ULK4: variants seen among roughly 807,000 people sequenced by gnomAD.
The protein encoded by ULK4 is unc-51 like kinase 4.
A neutral mutation model predicts 160.6 loss-of-function variants in ULK4; 133 were observed. The observed-to-expected ratio is 0.83, with a 90% confidence interval of 0.72 to 0.96. ULK4 has a LOEUF of 0.96. Among genes scored for constraint, ULK4 ranks in the 40% least tolerant of loss-of-function variants. The probability of loss-of-function intolerance (pLI) is 0.00; values close to 1 mark genes in which losing one functional copy is unlikely to be tolerated. For missense variants in ULK4, 1,580 were observed against 1,499.5 expected (o/e 1.05, Z -0.89); for synonymous variants, 534 against 539.8 (o/e 0.99, Z 0.15).
chr3:41,814,913 T>TA (rs1226505886), intron 19 of ULK4, among the ~76,000 whole-genome samples: 1 of 149,324 alleles, frequency 6.7e-6, no homozygotes, highest in Non-Finnish European at 1.5e-5. Context: ...CTGTCCTTTT[T>TA]TTTTTTTTTT....
intron 35 of ULK4, among the ~76,000 whole-genome samples, chr3:41,298,712 A>C (rs1045878983): frequency 1.3e-5 from 2 of 152,214 alleles, no homozygotes; most frequent in Non-Finnish European, 1.5e-5. Flanking sequence ...AGTCATAGAG[A>C]GTCAAACAGA....
chr3:41,464,133 C>T (rs1220042881), intron 32 of ULK4, among the ~76,000 whole-genome samples: 1 of 152,118 alleles, frequency 6.6e-6, no homozygotes, highest in Non-Finnish European at 1.5e-5. Context: ...CTATTTGTCC[C>T]TACTCCAGAT....
At chr3:41,551,310 A>G (rs2700456) in intron 32 of ULK4, among the ~76,000 whole-genome samples, 76,809 of 150,974 alleles carry the variant, frequency 0.51, 19,600 homozygotes, top group Middle Eastern at 0.57. Flanking sequence ...AGAGAGAGGC[A>G]AAAAAGTATA....
At chr3:41,901,006 T>A (rs4615050) in intron 12 of ULK4, among the ~76,000 whole-genome samples, 177 bp from the exon 13 acceptor site, 104,670 of 151,998 alleles carry the variant, frequency 0.69, 39,429 homozygotes, top group East Asian at 0.84. Flanking sequence ...TCCTAAACTG[T>A]AGGCACCATC....
At chr3:41,612,261 C>T (rs1343421084) in intron 31 of ULK4, among the ~76,000 whole-genome samples, 1 of 152,100 alleles carries the variant, frequency 6.6e-6, no homozygotes, top group East Asian at 1.9e-4. Context: ...CCTTCCCCTT[C>T]CCCAAGCTGA....
At chr3:41,795,292 G>C (rs559553908) in intron 20 of ULK4, among the ~76,000 whole-genome samples, 1 of 152,232 alleles carries the variant, frequency 6.6e-6, no homozygotes, top group African/African-American at 2.4e-5. Context: ...TATGATGTTA[G>C]AGTAACTGTA....
chr3:41,679,290 A>G (rs924384038), intron 29 of ULK4, among the ~76,000 whole-genome samples: 1 of 152,216 alleles, frequency 6.6e-6, no homozygotes, highest in Non-Finnish European at 1.5e-5. Flanking sequence ...CCGTTTCAAA[A>G]GAAGCATCCT....
chr3:41,487,133 T>G (rs985810795), intron 32 of ULK4, among the ~76,000 whole-genome samples: 4 of 152,064 alleles, frequency 2.6e-5, no homozygotes, highest in African/African-American at 9.7e-5. Flanking sequence ...TTAAGCTATT[T>G]CTTAGGAATC....
At chr3:41,566,840 T>A (rs1191897062) in intron 31 of ULK4, among the ~76,000 whole-genome samples, 2 of 152,220 alleles carry the variant, frequency 1.3e-5, no homozygotes, top group Non-Finnish European at 2.9e-5. Context: ...CAGATTATAA[T>A]TGAAATTATT....
intron 31 of ULK4, among the ~76,000 whole-genome samples, chr3:41,576,969 A>G (rs772745422): frequency 2.0e-5 from 3 of 152,252 alleles, no homozygotes; most frequent in Non-Finnish European, 4.4e-5. Context: ...AAATGGAAAG[A>G]TTAATTACAC....
intron 35 of ULK4, among the ~76,000 whole-genome samples, chr3:41,397,250 C>T (rs973073095): frequency 5.3e-5 from 8 of 152,008 alleles, no homozygotes; most frequent in East Asian, 1.9e-4. Context: ...TTCAAATAGA[C>T]GTCAGCTATA....
rs373910330 is a variant in ULK4, at chr3:41,856,564, C to T, written c.1657-20593G>A. Among the ~76,000 whole-genome samples the T allele has an allele frequency of 9.8e-3, 678 of 68,880 alleles. 18 individuals are homozygous for T. The highest frequency in any genetic ancestry group is 0.043 in the African/African-American group (532 of 12,478). The allele number at this position is 68,880 out of a possible 152,430, so 45.2% of individuals were successfully genotyped here. A position where few individuals can be genotyped will look rare whatever the true frequency, so the allele number is the denominator to read the frequency against. ...ATATATATATGTGTATATATATACA[C>T]ATATATATATGTGTATATATATACA... On this transcript the variant is annotated intron_variant, in intron 17 of 36. Coordinates refer to ENST00000301831, the MANE Select transcript of ULK4 (RefSeq NM_017886.4).
intron 35 of ULK4, among the ~76,000 whole-genome samples, chr3:41,329,089 CAT>C (rs562878316): frequency 6.6e-6 from 1 of 152,246 alleles, no homozygotes; most frequent in African/African-American, 2.4e-5. Flanking sequence ...TCTCTGTCTC[CAT>C]AGTTTTGTCA....
chr3:41,541,803 G>T (rs2086705469), intron 32 of ULK4, among the ~76,000 whole-genome samples: 1 of 152,034 alleles, frequency 6.6e-6, no homozygotes, highest in Admixed American at 6.6e-5. Flanking sequence ...GTGAATGGGA[G>T]TTCGCTCATG....
chr3:41,383,385 C>T lies in ULK4; in HGVS notation c.3678+14694G>A, dbSNP rs191202081. 3.9e-3 allele frequency among the ~76,000 whole-genome samples: 597 copies of T among 152,310 alleles called. 2 individuals carry two copies. Among genetic ancestry groups the T allele is most frequent in the African/African-American group, 0.014 (573 of 41,566 alleles). ...AAGTGCTAGGATTACAGGCATGAGC[C>T]ACCACGCCTGGCCTGGAAGTATTTT... On this transcript the variant is annotated intron_variant, in intron 35 of 36. Transcript: ENST00000301831.
At chr3:41,899,797 G>C (rs779772659) in intron 13 of ULK4, among the ~76,000 whole-genome samples, 1 of 152,048 alleles carries the variant, frequency 6.6e-6, no homozygotes, top group Non-Finnish European at 1.5e-5. Flanking sequence ...GCATAATAAA[G>C]TTACTCTGCC....
At chr3:41,791,571 G>A (rs2040152667) in intron 20 of ULK4, among the ~76,000 whole-genome samples, 1 of 152,116 alleles carries the variant, frequency 6.6e-6, no homozygotes, top group Non-Finnish European at 1.5e-5. Context: ...GTAGGAATGG[G>A]GCCACGAAGA....
At chr3:41,561,784 T>G (rs1238912700) in intron 32 of ULK4, among the ~76,000 whole-genome samples, 2 of 152,078 alleles carry the variant, frequency 1.3e-5, no homozygotes, top group African/African-American at 4.8e-5. Context: ...AGTGGTCTAT[T>G]AAGTCGTTGA....
chr3:41,727,253 G>A (rs1350786550), intron 22 of ULK4, among the ~76,000 whole-genome samples: 1 of 152,186 alleles, frequency 6.6e-6, no homozygotes, highest in Non-Finnish European at 1.5e-5. Context: ...AGTTCAATGA[G>A]TACAAGGATG....
Sources: allele counts gnomAD v4.1 joint callset (sites outside exome capture counted in the v4.1 genomes callset), GRCh38; gene constraint gnomAD v4.1.1; transcripts MANE v1.5; gene names NCBI Gene and HGNC (gene_info 2026-07-23, HGNC 2026-07-21).